The following FGF1 variants were observed in gnomAD, a reference collection of about 807,000 sequenced individuals.
The protein encoded by FGF1 is fibroblast growth factor 1.
Under a neutral mutation model 13.4 loss-of-function variants are expected in FGF1, and 9 were observed. The ratio of observed to expected loss-of-function variants is 0.67; its 90% CI spans 0.40 to 1.17. The LOEUF (loss-of-function observed/expected upper bound fraction) is 1.17, where lower values mean the gene tolerates loss of function less well. Among genes scored for constraint, FGF1 ranks in the 50% most tolerant of loss-of-function variants. The pLI, the probability that FGF1 is intolerant of heterozygous loss-of-function variation, is 0.01. For synonymous variants in FGF1, 93 were observed against 79.0 expected, an observed-to-expected ratio of 1.18 and a Z score of -0.94; for missense variants, 156 against 192.7, an observed-to-expected ratio of 0.81 and a Z score of 1.13.
At chr5:142,673,716 C>A (rs1221473840) in intron 1 of FGF1, among the ~76,000 whole-genome samples, 1 of 152,186 alleles carries the variant, frequency 6.6e-6, no homozygotes, top group Non-Finnish European at 1.5e-5. Flanking sequence ...ATGTCCCTGC[C>A]TTTCCTTCAC....
intron 1 of FGF1, among the ~76,000 whole-genome samples, chr5:142,645,867 A>G (rs1322390599): frequency 6.6e-6 from 1 of 151,908 alleles, no homozygotes; most frequent in Non-Finnish European, 1.5e-5. Context: ...GTCACTGCTC[A>G]TTTCTATCTT....
At chr5:142,697,375 G>C (rs1013735229) in intron 2 of FGF1, among the ~76,000 whole-genome samples, 1 of 152,136 alleles carries the variant, frequency 6.6e-6, no homozygotes, top group Non-Finnish European at 1.5e-5. Context: ...ACCATTTCCT[G>C]CTTCCCCACT....
chr5:142,641,786 TCAATTTC>T (rs1765244174), intron 1 of FGF1, among the ~76,000 whole-genome samples: 2 of 151,976 alleles, frequency 1.3e-5, no homozygotes, highest in South Asian at 4.1e-4. Context: ...GAATAATTAT[TCAATTTC>T]GGTTTACAAA....
At chr5:142,634,028 CCAA>C (rs1763826806) in intron 1 of FGF1, among the ~76,000 whole-genome samples, 3 of 144,356 alleles carry the variant, frequency 2.1e-5, no homozygotes, top group Admixed American at 6.9e-5. Context: ...ACTAAAAATA[CCAA>C]AAAAAAAAAA....
intron 2 of FGF1, among the ~76,000 whole-genome samples, chr5:142,611,793 C>T (rs529809228): frequency 1.3e-5 from 2 of 152,352 alleles, no homozygotes; most frequent in South Asian, 4.1e-4. Context: ...TCTAAGCCTG[C>T]ATCTAGCCCC....
At chr5:142,635,123 C>T (rs1048363754) in intron 1 of FGF1, among the ~76,000 whole-genome samples, 4 of 152,090 alleles carry the variant, frequency 2.6e-5, no homozygotes, top group East Asian at 1.9e-4. Flanking sequence ...CTCCAGAGTC[C>T]GGGAGACCTG....
At chr5:142,651,035 C>T (rs1394141660) in intron 1 of FGF1, among the ~76,000 whole-genome samples, 1 of 152,148 alleles carries the variant, frequency 6.6e-6, no homozygotes, top group Non-Finnish European at 1.5e-5. Context: ...GGTGCAAACG[C>T]AGCTTCAATG....
intron 1 of FGF1, among the ~76,000 whole-genome samples, chr5:142,624,968 G>A (rs1446943640): frequency 1.3e-5 from 2 of 152,112 alleles, no homozygotes; most frequent in Non-Finnish European, 2.9e-5. Flanking sequence ...TGATTCTAGG[G>A]TAGTGTCCCA....
At chr5:142,625,494 C>G (rs773965108) in intron 1 of FGF1, among the ~76,000 whole-genome samples, 44 of 152,316 alleles carry the variant, frequency 2.9e-4, no homozygotes, top group Admixed American at 6.5e-4. Flanking sequence ...TTAGAGAAAA[C>G]AGTATCCACT....
At chr5:142,653,562 A>G (rs933431369) in intron 1 of FGF1, among the ~76,000 whole-genome samples, 5 of 152,000 alleles carry the variant, frequency 3.3e-5, no homozygotes, top group African/African-American at 9.7e-5. Flanking sequence ...GTTCCTTTGC[A>G]CACACTCTCC....
rs1379621946 is a variant in FGF1 at position 142,666,285 on chromosome 5, C to T, written c.-35+19672G>A. On this transcript the variant is annotated intron_variant, in intron 1 of 3. Transcript: ENST00000337706. ...TGGTCTAAGGAGCATGTAATACACA[C>T]ACACACACACACACACACACACACA... 8.8e-3 allele frequency among the ~76,000 whole-genome samples: 1,242 copies of T among 140,602 alleles called. 23 individuals are homozygous for T. Among genetic ancestry groups the T allele is most frequent in the Non-Finnish European group, 0.011 (700 of 62,326 alleles). 92.2% of individuals were successfully genotyped at this position (140,602 alleles called of 152,430 possible). A position where few individuals can be genotyped will look rare whatever the true frequency, so the allele number is the denominator to read the frequency against.
In FGF1 at chr5:142,624,489, G is replaced by A. The variant is rs1031179780; in HGVS notation, c.-34-10328C>T. ...CATTTGCTTAGGTGCTCAACATGAC[G>A]TGCTAGTGATGAATTTTCAGTATAT... On this transcript the variant is annotated intron_variant, in intron 1 of 3. Transcript: ENST00000337706. 2.0e-5 allele frequency among the ~76,000 whole-genome samples: 3 copies of A among 152,332 alleles called. 1 individual carries two copies. The highest frequency in any genetic ancestry group is 4.1e-4 in the South Asian group (2 of 4,830).
At position 142,629,924 on chromosome 5, in the gene FGF1, C is replaced by T. The variant is rs576107581; in HGVS notation, c.-34-15763G>A. ...TTTTTTTTTCTTTGAGATAGAGTCT[C>T]GCTCTGTTGGCCAGGCTGGAGTGCA... On this transcript the variant is annotated intron_variant, in intron 1 of 3. Transcript: ENST00000337706. 2.6e-4 allele frequency among the ~76,000 whole-genome samples: 37 copies of T among 143,300 alleles called. No homozygotes were observed. The South Asian group carries it at 7.8e-3, about 30-fold the overall frequency. 94.0% of individuals were successfully genotyped at this position (143,300 alleles called of 152,430 possible). A position where few individuals can be genotyped will look rare whatever the true frequency, so the allele number is the denominator to read the frequency against.
intron 1 of FGF1, among the ~76,000 whole-genome samples, chr5:142,667,601 A>AG (rs1561714282): frequency 6.6e-6 from 1 of 151,822 alleles, no homozygotes; most frequent in Non-Finnish European, 1.5e-5. Flanking sequence ...AAAAAAAAAA[A>AG]AAAGAAAGAA....
chr5:142,693,267 T>C (rs1752528301), intron 2 of FGF1, among the ~76,000 whole-genome samples: 1 of 152,018 alleles, frequency 6.6e-6, no homozygotes, highest in African/African-American at 2.4e-5. Flanking sequence ...ATAGCAGTGG[T>C]TTGGGTTTTT....
At chr5:142,651,907 G>A (rs1767334616) in intron 1 of FGF1, among the ~76,000 whole-genome samples, 1 of 150,168 alleles carries the variant, frequency 6.7e-6, no homozygotes, top group South Asian at 2.1e-4. Context: ...TTTCTGGGCT[G>A]TAGTACAGGG....
chr5:142,694,095 C>CTA (rs1752695080), intron 2 of FGF1, among the ~76,000 whole-genome samples: 1 of 111,628 alleles, frequency 9.0e-6, no homozygotes. Flanking sequence ...TATAATCTAT[C>CTA]TATCTATCTA....
At chr5:142,645,142 T>C (rs1174072301) in intron 1 of FGF1, among the ~76,000 whole-genome samples, 3 of 152,030 alleles carry the variant, frequency 2.0e-5, no homozygotes, top group African/African-American at 7.3e-5. Context: ...CAGCTTAAAA[T>C]GGAAAGTGGC....
chr5:142,653,358 G>A (rs1036907257), intron 1 of FGF1, among the ~76,000 whole-genome samples: 14 of 152,174 alleles, frequency 9.2e-5, no homozygotes, highest in African/African-American at 2.7e-4. Flanking sequence ...TGAGGTAGGT[G>A]CTGTTCTGAT....
Sources: allele counts gnomAD v4.1 joint callset (sites outside exome capture counted in the v4.1 genomes callset), GRCh38; gene constraint gnomAD v4.1.1; transcripts MANE v1.5; gene names NCBI Gene and HGNC (gene_info 2026-07-23, HGNC 2026-07-21).